The following PLCL2 variants were observed in gnomAD, a reference collection of about 807,000 sequenced individuals.
PLCL2 encodes the protein inactive phospholipase C-like protein 2.
In PLCL2, 4 loss-of-function variants were observed where a neutral mutation model predicts 79.6. That is an observed-to-expected ratio of 0.05 (90% CI 0.02 to 0.11). The LOEUF is 0.11. Among genes scored for constraint, PLCL2 ranks in the 10% least tolerant of loss-of-function variants. The probability of loss-of-function intolerance (pLI) is 1.00; values close to 1 mark genes in which losing one functional copy is unlikely to be tolerated. For missense variants in PLCL2, 895 were observed against 1,291.0 expected (o/e 0.69, Z 4.70); for synonymous variants, 484 against 457.7 (o/e 1.06, Z -0.73).
intron 3 of PLCL2, among the ~76,000 whole-genome samples, chr3:17,040,970 A>G (rs1372922240): frequency 1.3e-5 from 2 of 151,956 alleles, no homozygotes; most frequent in Admixed American, 6.6e-5. Flanking sequence ...ACAGTTGGCC[A>G]GTTCTTTGAT....
chr3:16,891,672 T>C (rs1038279777), intron 1 of PLCL2, among the ~76,000 whole-genome samples: 3 of 152,206 alleles, frequency 2.0e-5, no homozygotes, highest in Non-Finnish European at 4.4e-5. Context: ...TTTACATCTT[T>C]TGCTGTGACA....
intron 3 of PLCL2, among the ~76,000 whole-genome samples, chr3:17,021,630 A>ACACACACC (rs60825850): frequency 2.2e-5 from 3 of 137,830 alleles, no homozygotes; most frequent in African/African-American, 5.9e-5. Flanking sequence ...ACACACACAC[A>ACACACACC]CCCCAGATAC....
intron 4 of PLCL2, among the ~76,000 whole-genome samples, chr3:17,052,828 GTTTTC>G (rs1157573678): frequency 4.6e-5 from 7 of 152,154 alleles, no homozygotes; most frequent in African/African-American, 1.4e-4. Flanking sequence ...TTTTCTTAAT[GTTTTC>G]TTTTCTTTAT....
At chr3:16,957,279 G>T (rs1238592540) in intron 1 of PLCL2, among the ~76,000 whole-genome samples, 1 of 152,028 alleles carries the variant, frequency 6.6e-6, no homozygotes, top group Admixed American at 6.6e-5. Flanking sequence ...CCTTCATTTC[G>T]TTATGTACCC....
chr3:16,974,633 T>TA (rs1235619978), intron 1 of PLCL2, among the ~76,000 whole-genome samples: 1 of 152,206 alleles, frequency 6.6e-6, no homozygotes, highest in East Asian at 1.9e-4. Context: ...GCTCCAGACT[T>TA]ATGTTTCCCA....
At chr3:16,929,152 AC>A (rs60501651) in intron 1 of PLCL2, among the ~76,000 whole-genome samples, 151,670 of 151,670 alleles carry the variant, frequency 1, 75,835 homozygotes, top group Non-Finnish European at 1. Context: ...GATACTAAGC[AC>A]AGGAGTGAGA....
Position 17,010,699 on chromosome 3 carries a change from A to G in PLCL2, c.1353A>G (p.Arg451=), listed in dbSNP as rs760809042. Residue 451 remains arginine, a synonymous_variant, in exon 2 of 6, where the codon CGA becomes CGG. Coordinates refer to ENST00000615277, the MANE Select transcript of PLCL2 (RefSeq NM_001144382.2). This position sits in a 1 kb window ranked among gnomAD's most constrained non-coding sequence, Gnocchi z 5.8. ...HNTYLIEDQF[R]GPSDITGYIR... ...CATACTTAATAGAGGATCAGTTCCGAGGTCCCTCCGACATCACAGGATATA... is the reference window on the plus strand; with the variant it reads ...CATACTTAATAGAGGATCAGTTCCGGGGTCCCTCCGACATCACAGGATATA... The G allele has an allele frequency of 6.2e-7, 1 of 1,614,190 alleles. No individual in the cohort carries two copies. The highest frequency in any genetic ancestry group is 2.2e-5 in the East Asian group (1 of 44,886).
chr3:16,930,953 T>A (rs1280566720), intron 1 of PLCL2, among the ~76,000 whole-genome samples: 3 of 152,146 alleles, frequency 2.0e-5, no homozygotes, highest in Admixed American at 6.5e-5. Context: ...TCTAGGCATG[T>A]CAGTCTTCTA....
chr3:17,048,826 C>T (rs1377529111), intron 4 of PLCL2, among the ~76,000 whole-genome samples: 2 of 152,124 alleles, frequency 1.3e-5, no homozygotes. Context: ...ATGTTTAGTG[C>T]AATACCATAA....
chr3:17,049,778 T>C (rs548117377), intron 4 of PLCL2, among the ~76,000 whole-genome samples: 1 of 151,920 alleles, frequency 6.6e-6, no homozygotes, highest in Non-Finnish European at 1.5e-5. Context: ...ACAGATTCAA[T>C]ACAATCGCTA....
At chr3:17,053,441 T>TG (rs1202133546) in intron 4 of PLCL2, among the ~76,000 whole-genome samples, 2 of 152,120 alleles carry the variant, frequency 1.3e-5, no homozygotes, top group Non-Finnish European at 2.9e-5. Context: ...CCTCTAGCAC[T>TG]GGGGGTTATG....
intron 3 of PLCL2, among the ~76,000 whole-genome samples, chr3:17,038,856 C>A (rs775419555): frequency 6.6e-6 from 1 of 152,154 alleles, no homozygotes; most frequent in African/African-American, 2.4e-5. Flanking sequence ...AGTTGCCACT[C>A]ATGTGTCAAG....
chr3:17,052,618 A>G (rs2064853875), intron 4 of PLCL2, among the ~76,000 whole-genome samples: 1 of 152,104 alleles, frequency 6.6e-6, no homozygotes. Context: ...GTAAAGTTAC[A>G]CTGAGTGTGC....
chr3:16,921,083 G>A (rs1213134981), intron 1 of PLCL2, among the ~76,000 whole-genome samples: 1 of 152,030 alleles, frequency 6.6e-6, no homozygotes, highest in African/African-American at 2.4e-5. Flanking sequence ...TTTATTTGTG[G>A]GCCTAGCTCA....
chr3:17,029,038 C>T (rs954905660), intron 3 of PLCL2, among the ~76,000 whole-genome samples: 1 of 152,070 alleles, frequency 6.6e-6, no homozygotes, highest in East Asian at 1.9e-4. Context: ...GGGAAGGGGG[C>T]GCAGAGGGTA....
Position 16,885,283 on chromosome 3 carries a change from GC to G in PLCL2, c.248del (p.Pro83ArgfsTer90). 1 of 660,194 alleles carries G rather than the reference GC, an allele frequency of 1.5e-6. No homozygotes were observed. The highest frequency in any genetic ancestry group is 2.3e-5 in the Admixed American group (1 of 43,994). The allele number at this position is 660,194 out of a possible 1,614,324, so 40.9% of individuals were successfully genotyped here. On this transcript the variant is annotated frameshift_variant, in exon 1 of 6. Transcript: ENST00000615277. LOFTEE classifies it high-confidence loss of function. ...PTRGPRGVAL[A>X]PTPSAVVCTL... ...CAGGGGACCCCGCGGCGTTGCGCTCGCCCCGACCCCCAGCGCGGTCGTCTGT... is the reference window on the plus strand; with the variant it reads ...CAGGGGACCCCGCGGCGTTGCGCTCGCCCGACCCCCAGCGCGGTCGTCTGT...
intron 5 of PLCL2, among the ~76,000 whole-genome samples, chr3:17,082,275 C>G (rs2065170707): frequency 6.6e-6 from 1 of 151,030 alleles, no homozygotes; most frequent in Non-Finnish European, 1.5e-5. Context: ...TCCCAAGTAG[C>G]TGGGTTTACA....
chr3:16,904,373 C>T (rs939077921), intron 1 of PLCL2, among the ~76,000 whole-genome samples: 2 of 150,536 alleles, frequency 1.3e-5, no homozygotes, highest in African/African-American at 2.5e-5. Flanking sequence ...TCTAGAGAAC[C>T]GGTTTGGGGT....
chr3:17,079,662 C>T (rs74483267), intron 5 of PLCL2, among the ~76,000 whole-genome samples: 5 of 152,274 alleles, frequency 3.3e-5, no homozygotes, highest in African/African-American at 1.2e-4. Flanking sequence ...CCGAGGAGCC[C>T]CCAACCCTCC....
Sources: allele counts gnomAD v4.1 joint callset (sites outside exome capture counted in the v4.1 genomes callset), GRCh38; gene constraint gnomAD v4.1.1; non-coding constraint Gnocchi (gnomAD v3.1); transcripts MANE v1.5; gene names NCBI Gene and HGNC (gene_info 2026-07-23, HGNC 2026-07-21).